Variants in FAM227B observed in about 807,000 individuals in gnomAD.
FAM227B encodes the protein family with sequence similarity 227 member B, also known as protein FAM227B.
In FAM227B, 88 loss-of-function variants were observed where a neutral mutation model predicts 73.8. That is an observed-to-expected ratio of 1.19 (90% CI 1.00 to 1.42). The LOEUF is 1.42. FAM227B is among the 40% of genes most tolerant of loss of function. The probability of loss-of-function intolerance (pLI) is 0.00; values close to 1 mark genes in which losing one functional copy is unlikely to be tolerated. For missense variants in FAM227B, 632 were observed against 590.9 expected (o/e 1.07, Z -0.72); for synonymous variants, 210 against 190.5 (o/e 1.10, Z -0.84).
intron 11 of FAM227B, among the ~76,000 whole-genome samples, chr15:49,459,810 T>C (rs1411140509): frequency 1.3e-5 from 2 of 152,160 alleles, no homozygotes; most frequent in Admixed American, 1.3e-4. Flanking sequence ...TGTGCATCTC[T>C]TTCCAACTCC....
intron 11 of FAM227B, among the ~76,000 whole-genome samples, chr15:49,419,783 A>T (rs28561495): frequency 5.9e-5 from 9 of 151,448 alleles, no homozygotes; most frequent in African/African-American, 2.2e-4. Context: ...TTATTTTTTT[A>T]TTTTTTATTT....
intron 11 of FAM227B, among the ~76,000 whole-genome samples, chr15:49,394,807 C>T (rs2047459450): frequency 6.6e-6 from 1 of 152,090 alleles, no homozygotes; most frequent in South Asian, 2.1e-4. Context: ...GCTGAGATTT[C>T]ATTTATGACA....
chr15:49,423,567 ATTAT>A (rs1403524255), intron 11 of FAM227B: 11 of 152,166 alleles, frequency 7.2e-5, no homozygotes, highest in Non-Finnish European at 1.2e-4. Flanking sequence ...AACTATAGTA[ATTAT>A]GCTGTAGAAC....
chr15:49,383,198 G>T (rs1217601246), intron 11 of FAM227B, among the ~76,000 whole-genome samples: 4 of 152,084 alleles, frequency 2.6e-5, no homozygotes, highest in African/African-American at 9.7e-5. Context: ...GTCTACAAAA[G>T]ATGAGATTAC....
intron 13 of FAM227B, chr15:49,366,679 C>T: frequency 2.0e-6 from 3 of 1,511,858 alleles, no homozygotes; most frequent in Non-Finnish European, 2.7e-6. Context: ...GCCGCTGCGG[C>T]CCCATCGGAC....
intron 9 of FAM227B, among the ~76,000 whole-genome samples, chr15:49,562,817 C>T (rs1174975825): frequency 6.6e-6 from 1 of 151,838 alleles, no homozygotes; most frequent in Non-Finnish European, 1.5e-5. Context: ...GATAAAAATC[C>T]TCAAAAAAGT....
chr15:49,423,090 T>C (rs2049826371), intron 11 of FAM227B: 2 of 189,162 alleles, frequency 1.1e-5, no homozygotes, highest in Non-Finnish European at 2.2e-5. Flanking sequence ...GCATAAAACA[T>C]GTTCATAGCT....
chr15:49,396,140 C>T, intron 11 of FAM227B: 1 of 368,360 alleles, frequency 2.7e-6, no homozygotes, highest in Non-Finnish European at 5.4e-6. Flanking sequence ...TGGGTGTGCT[C>T]ACCGTGTGCG....
At chr15:49,604,000 C>T (rs1205447273) in intron 3 of FAM227B, among the ~76,000 whole-genome samples, 1 of 152,054 alleles carries the variant, frequency 6.6e-6, no homozygotes, top group East Asian at 1.9e-4. Flanking sequence ...TGGAATAAAT[C>T]CCACTTGGCC....
At position 49,527,676 on chromosome 15, in the gene FAM227B, T is replaced by C. The variant is rs2060303249; in HGVS notation, c.874+14004A>G. 2.6e-5 allele frequency among the ~76,000 whole-genome samples: 4 copies of C among 151,884 alleles called. 1 individual carries two copies. Among genetic ancestry groups the C allele is most frequent in the Admixed American group, 2.6e-4 (4 of 15,224 alleles). On this transcript the variant is annotated intron_variant, in intron 10 of 15. Transcript: ENST00000299338. ...TAAAGTTTCAGGAAATAAAACAGTG[T>C]ACAGAAATCAGTAGCATTTCTACAC...
chr15:49,538,162 G>A (rs935939210), intron 10 of FAM227B, among the ~76,000 whole-genome samples: 5 of 152,188 alleles, frequency 3.3e-5, no homozygotes, highest in Non-Finnish European at 7.3e-5. Flanking sequence ...CCAGGAGAGA[G>A]TTTGATTATG....
chr15:49,335,262 C>T (rs1015213325), intron 14 of FAM227B, among the ~76,000 whole-genome samples, 157 bp downstream of exon 14: 2 of 152,172 alleles, frequency 1.3e-5, no homozygotes, highest in African/African-American at 4.8e-5. Flanking sequence ...ACAACATACA[C>T]CCTTGACACT....
chr15:49,450,769 T>C (rs1179480751), intron 11 of FAM227B, among the ~76,000 whole-genome samples: 18 of 152,176 alleles, frequency 1.2e-4, no homozygotes, highest in Admixed American at 9.2e-4. Context: ...TTTGTTATGA[T>C]AGTTCATTTA....
At chr15:49,450,392 TA>T (rs1017518362) in intron 11 of FAM227B, among the ~76,000 whole-genome samples, 69 of 152,112 alleles carry the variant, frequency 4.5e-4, no homozygotes, top group Non-Finnish European at 1.5e-4. Context: ...TTGCTAAAGA[TA>T]TTTTTTTTCC....
At chr15:49,569,145 A>G (rs1171299136) in intron 8 of FAM227B, among the ~76,000 whole-genome samples, 1 of 151,902 alleles carries the variant, frequency 6.6e-6, no homozygotes, top group African/African-American at 2.4e-5. Flanking sequence ...CAACTACATT[A>G]TTCCAATTTG....
intron 10 of FAM227B, among the ~76,000 whole-genome samples, chr15:49,512,479 A>C (rs1032324301): frequency 1.3e-5 from 2 of 152,064 alleles, no homozygotes; most frequent in Non-Finnish European, 2.9e-5. Context: ...CATTACCCAC[A>C]ATCTTCCAGA....
At chr15:49,342,581 G>C (rs952867434) in intron 13 of FAM227B, among the ~76,000 whole-genome samples, 2 of 152,138 alleles carry the variant, frequency 1.3e-5, no homozygotes, top group African/African-American at 4.8e-5. Flanking sequence ...GAAGTTGTTA[G>C]CTGGTTGCTT....
intron 10 of FAM227B, among the ~76,000 whole-genome samples, chr15:49,515,934 G>C (rs992581245): frequency 7.9e-5 from 12 of 152,038 alleles, no homozygotes; most frequent in African/African-American, 2.9e-4. Context: ...TCAGTGATGG[G>C]CTATGTTCCT....
At chr15:49,532,861 T>A (rs1311414718) in intron 10 of FAM227B, among the ~76,000 whole-genome samples, 1 of 151,956 alleles carries the variant, frequency 6.6e-6, no homozygotes, top group Non-Finnish European at 1.5e-5. Flanking sequence ...TTTACATTTA[T>A]CTTTACAAAT....
Sources: allele counts gnomAD v4.1 joint callset (sites outside exome capture counted in the v4.1 genomes callset), GRCh38; gene constraint gnomAD v4.1.1; transcripts MANE v1.5; gene names NCBI Gene and HGNC (gene_info 2026-07-23, HGNC 2026-07-21).